Variants in UBA6 observed in about 807,000 individuals in gnomAD.
The protein encoded by UBA6 is ubiquitin like modifier activating enzyme 6.
UBA6 carries 87 observed loss-of-function variants against 148.3 expected under a neutral mutation model. The ratio of observed to expected loss-of-function variants is 0.59; its 90% CI spans 0.49 to 0.70. The LOEUF (loss-of-function observed/expected upper bound fraction) is 0.70, where lower values mean the gene tolerates loss of function less well. Among genes scored for constraint, UBA6 ranks in the 30% least tolerant of loss-of-function variants. UBA6 has a pLI of 0.00. For synonymous variants in UBA6, 376 were observed against 401.0 expected, an observed-to-expected ratio of 0.94 and a Z score of 0.75; for missense variants, 1,186 against 1,241.2, an observed-to-expected ratio of 0.96 and a Z score of 0.67.
At chr4:67,656,394 G>A (rs1012581335) in intron 13 of UBA6, among the ~76,000 whole-genome samples, 2 of 152,146 alleles carry the variant, frequency 1.3e-5, no homozygotes, top group African/African-American at 4.8e-5. Flanking sequence ...ATCAATAAAT[G>A]TAATCTATCA....
intron 2 of UBA6, among the ~76,000 whole-genome samples, chr4:67,694,239 A>AAG (rs1730772622): frequency 7.1e-6 from 1 of 141,032 alleles, no homozygotes; most frequent in Non-Finnish European, 1.5e-5. Flanking sequence ...AAAAAAAAAA[A>AAG]AAAAAGAAAA....
chr4:67,696,695 AT>A lies in UBA6; in HGVS notation c.83del (p.Asn28IlefsTer39). The A allele has an allele frequency of 6.2e-7, 1 of 1,606,382 alleles. No homozygotes were observed. Reference protein sequence around the residue: ...SSWGTGSTNKNLPIMSTASVE... With the variant: ...SSWGTGSTNKXLPIMSTASVE... Reference sequence around the variant, plus strand: ...CAGATGCTGTTGACATAATGGGCAAATTTTTATTTGTGCTGGAAAAAAAAAC... The same window carrying A: ...CAGATGCTGTTGACATAATGGGCAAATTTTATTTGTGCTGGAAAAAAAAAC... On this transcript the variant is annotated frameshift_variant, in exon 2 of 33. Transcript: ENST00000322244. LOFTEE classifies it high-confidence loss of function.
intron 2 of UBA6, among the ~76,000 whole-genome samples, chr4:67,691,904 T>A (rs907429848): frequency 6.6e-6 from 1 of 152,182 alleles, no homozygotes; most frequent in African/African-American, 2.4e-5. Context: ...AGCACTGATA[T>A]GGGTGCAGGA....
At position 67,622,915 on chromosome 4, in the gene UBA6, C is replaced by T; in HGVS notation, c.2939G>A (p.Gly980Glu). 1.2e-6 allele frequency: 2 copies of T among 1,607,708 alleles called. No homozygotes were observed. Among genetic ancestry groups the T allele is most frequent in the East Asian group, 4.5e-5 (2 of 44,772 alleles). Residue 980 changes from glycine (G) to glutamate (E), a missense_variant, in exon 32 of 33, where the codon GGA becomes GAA. Transcript: ENST00000322244. ...DFINAVKEKY[G>E]IEPTMVVQGV... ...CTGTACCACCATTGTTGGCTCAATT[C>T]CATACTTCTCCTAAAAGTGAATATC...
At chr4:67,668,705 ACTT>A (rs760374730) in intron 8 of UBA6, 31 bp from the exon 9 acceptor site, 48 of 1,584,208 alleles carry the variant, frequency 3.0e-5, no homozygotes, top group Middle Eastern at 1.7e-4. Flanking sequence ...TTAAAAAAGA[ACTT>A]CTTTTTTGTA....
At chr4:67,633,040 C>G (rs1332414627) in intron 23 of UBA6, among the ~76,000 whole-genome samples, 1 of 152,038 alleles carries the variant, frequency 6.6e-6, no homozygotes, top group African/African-American at 2.4e-5. Context: ...GTATTAGGTA[C>G]AAATTTATTA....
At position 67,625,006 on chromosome 4, in the gene UBA6, T is replaced by C. The variant is rs201230496; in HGVS notation, c.2700A>G (p.Thr900=). ...IIPAIATTTA[T]VSGLVALEMI... ...ATAATAAACTTACCAAGCCAGAAACTGTAGCAGTGGTTGTTGCTATAGCAG... is the reference window on the plus strand; with the variant it reads ...ATAATAAACTTACCAAGCCAGAAACCGTAGCAGTGGTTGTTGCTATAGCAG... Residue 900 remains threonine, a synonymous_variant, in exon 29 of 33, where the codon ACA becomes ACG. Coordinates refer to ENST00000322244, the MANE Select transcript of UBA6 (RefSeq NM_018227.6). 2.1e-5 allele frequency: 33 copies of C among 1,607,182 alleles called. No individual in the cohort carries two copies. The highest frequency in any genetic ancestry group is 1.5e-4 in the Admixed American group (9 of 59,900).
At position 67,635,511 on chromosome 4, in the gene UBA6, C is replaced by T; in HGVS notation, c.1784G>A (p.Gly595Asp). Residue 595 changes from glycine to aspartate, a missense_variant, in exon 20 of 33, where the codon GGC becomes GAC. Physicochemically the swap from Gly to Asp is moderately conservative, Grantham distance 94 (BLOSUM62 -1). Transcript: ENST00000322244. ...AATAACTTCAGTGTGTCCCTTAGTGCCCATTGTTCCAGAATCTAAAAGAGG... is the reference window on the plus strand; with the variant it reads ...AATAACTTCAGTGTGTCCCTTAGTGTCCATTGTTCCAGAATCTAAAAGAGG... Reference protein sequence around the residue: ...LRPLLDSGTMGTKGHTEVIVP... With the variant: ...LRPLLDSGTMDTKGHTEVIVP... 6.2e-7 allele frequency: 1 copy of T among 1,612,878 alleles called. No homozygotes were observed. Among genetic ancestry groups the T allele is most frequent in the South Asian group, 1.1e-5 (1 of 91,024 alleles).
At chr4:67,669,771 C>T (rs1220826441) in intron 8 of UBA6, among the ~76,000 whole-genome samples, 2 of 152,002 alleles carry the variant, frequency 1.3e-5, no homozygotes, top group Non-Finnish European at 2.9e-5. Context: ...TTAAGTGTGC[C>T]TTTTTAGAGT....
chr4:67,628,107 A>C (rs972625503), intron 27 of UBA6, among the ~76,000 whole-genome samples: 2 of 151,744 alleles, frequency 1.3e-5, no homozygotes, highest in African/African-American at 4.8e-5. Context: ...AAGCAGATTA[A>C]CATTAAGTGG....
intron 2 of UBA6, among the ~76,000 whole-genome samples, chr4:67,690,234 G>C (rs1397347562): frequency 4.6e-5 from 7 of 152,072 alleles, no homozygotes; most frequent in Non-Finnish European, 1.0e-4. Flanking sequence ...AATAAATGGT[G>C]CTGGGAAAAC....
At chr4:67,659,172 T>C (rs1481119519) in intron 13 of UBA6, among the ~76,000 whole-genome samples, 1 of 152,242 alleles carries the variant, frequency 6.6e-6, no homozygotes, top group Non-Finnish European at 1.5e-5. Context: ...TCATTATGGC[T>C]AGTGAGTCAC....
intron 17 of UBA6, 108 bp from the exon 18 acceptor site, chr4:67,641,336 T>C: frequency 1.5e-6 from 1 of 680,330 alleles, no homozygotes; most frequent in Non-Finnish European, 2.5e-6. Flanking sequence ...TAAATTAGTC[T>C]GGTTGGTAAA....
At chr4:67,691,932 T>G (rs891446146) in intron 2 of UBA6, among the ~76,000 whole-genome samples, 1 of 152,156 alleles carries the variant, frequency 6.6e-6, no homozygotes, top group South Asian at 2.1e-4. Flanking sequence ...AAGAAAGTCA[T>G]AGACTCTAAC....
chr4:67,614,134 A>G lies in UBA6; in HGVS notation c.*4863T>C, dbSNP rs952321674. ...CTCCACAATCTCTTATTTAACCTGA[A>G]TATTTCCTTCCTATTGATCCCAGGT... On this transcript the variant is annotated 3_prime_UTR_variant, in exon 33 of 33. Coordinates refer to ENST00000322244, the MANE Select transcript of UBA6 (RefSeq NM_018227.6). 3.3e-5 allele frequency: 5 copies of G among 152,232 alleles called. No individual in the cohort carries two copies. The allele number at this position is 152,232 out of a possible 1,614,324, so 9.4% of individuals were successfully genotyped here.
chr4:67,620,807 A>G (rs534532648), intron 32 of UBA6, among the ~76,000 whole-genome samples: 55 of 152,156 alleles, frequency 3.6e-4, no homozygotes, highest in Non-Finnish European at 7.1e-4. Flanking sequence ...AGTCATCCCT[A>G]TTTGTGGATT....
chr4:67,641,286 C>A (rs914599202), intron 17 of UBA6, 58 bp from the exon 18 acceptor site: 1 of 1,100,990 alleles, frequency 9.1e-7, no homozygotes, highest in African/African-American at 1.6e-5. Flanking sequence ...ATCTATTTTT[C>A]TTTTCTCAGT....
At chr4:67,643,833 C>G (rs1729361564) in intron 17 of UBA6, among the ~76,000 whole-genome samples, 1 of 152,010 alleles carries the variant, frequency 6.6e-6, no homozygotes, top group Non-Finnish European at 1.5e-5. Context: ...TGCTAATGTG[C>G]ATCATGAATT....
At position 67,615,865 on chromosome 4, in the gene UBA6, G is replaced by A. The variant is rs2109887759; in HGVS notation, c.*3132C>T. ...AAAGAGACAATTATCATACAAGGTAGGATAGTGGTAATTACCAAAGGGTAC... is the reference window on the plus strand; with the variant it reads ...AAAGAGACAATTATCATACAAGGTAAGATAGTGGTAATTACCAAAGGGTAC... On this transcript the variant is annotated 3_prime_UTR_variant, in exon 33 of 33. Transcript: ENST00000322244. 1 of 291,192 alleles carries A rather than the reference G, an allele frequency of 3.4e-6. No individual in the cohort carries two copies. Among genetic ancestry groups the A allele is most frequent in the East Asian group, 5.1e-5 (1 of 19,778 alleles). 18.0% of individuals were successfully genotyped at this position (291,192 alleles called of 1,614,324 possible). A position where few individuals can be genotyped will look rare whatever the true frequency, so the allele number is the denominator to read the frequency against.
Sources: allele counts gnomAD v4.1 joint callset (sites outside exome capture counted in the v4.1 genomes callset), GRCh38; gene constraint gnomAD v4.1.1; transcripts MANE v1.5; gene names NCBI Gene and HGNC (gene_info 2026-07-23, HGNC 2026-07-21).